Variants in KIAA1958 observed in about 807,000 individuals in gnomAD.
KIAA1958 encodes the protein uncharacterized protein KIAA1958.
KIAA1958 carries 14 observed loss-of-function variants against 47.2 expected under a neutral mutation model. That is an observed-to-expected ratio of 0.30 (90% CI 0.20 to 0.46). The LOEUF (loss-of-function observed/expected upper bound fraction) is 0.46, where lower values mean the gene tolerates loss of function less well. KIAA1958 is among the 20% of genes least tolerant of loss of function. The probability of loss-of-function intolerance (pLI) is 1.00; values close to 1 mark genes in which losing one functional copy is unlikely to be tolerated. For synonymous variants in KIAA1958, 354 were observed against 353.3 expected (o/e 1.00, Z -0.02); for missense variants, 803 against 909.2 (o/e 0.88, Z 1.50).
At chr9:112,643,085 T>C (rs1347886088) in intron 2 of KIAA1958, among the ~76,000 whole-genome samples, 3 of 152,254 alleles carry the variant, frequency 2.0e-5, no homozygotes, top group East Asian at 3.8e-4. Context: ...GTTATTCTTA[T>C]TGAAGGTTCA....
At chr9:112,563,278 C>T (rs1258409385) in intron 1 of KIAA1958, among the ~76,000 whole-genome samples, 6 of 152,042 alleles carry the variant, frequency 3.9e-5, no homozygotes, top group Middle Eastern at 3.4e-3. Flanking sequence ...GCAAGACCTT[C>T]GTGATTGGAA....
chr9:112,501,918 T>A (rs887707898), intron 1 of KIAA1958, among the ~76,000 whole-genome samples: 2 of 152,126 alleles, frequency 1.3e-5, no homozygotes, highest in Non-Finnish European at 2.9e-5. Context: ...TTTTCACAAT[T>A]TACAAAAAAA....
At chr9:112,526,696 G>A (rs1000378822) in intron 1 of KIAA1958, among the ~76,000 whole-genome samples, 1 of 152,170 alleles carries the variant, frequency 6.6e-6, no homozygotes, top group Non-Finnish European at 1.5e-5. Flanking sequence ...GCAAGATGGG[G>A]ATAAACATGA....
intron 2 of KIAA1958, among the ~76,000 whole-genome samples, chr9:112,632,351 C>T (rs1384290086): frequency 6.6e-6 from 1 of 150,974 alleles, no homozygotes; most frequent in Non-Finnish European, 1.5e-5. Flanking sequence ...TATATATATG[C>T]ACAATTATTT....
intron 2 of KIAA1958, among the ~76,000 whole-genome samples, chr9:112,633,947 A>T (rs1201431038): frequency 1.3e-5 from 2 of 152,158 alleles, no homozygotes; most frequent in Admixed American, 6.5e-5. Context: ...ATGAATATTC[A>T]TACATTCATG....
At chr9:112,568,927 T>A (rs373886871) in intron 1 of KIAA1958, among the ~76,000 whole-genome samples, 8 of 9,138 alleles carry the variant, frequency 8.8e-4, no homozygotes, top group South Asian at 6.6e-3. Flanking sequence ...AATTTAAGAA[T>A]AGGAAAACTA....
chr9:112,553,856 C>T (rs1372927576), intron 1 of KIAA1958, among the ~76,000 whole-genome samples: 1 of 152,016 alleles, frequency 6.6e-6, no homozygotes, highest in South Asian at 2.1e-4. Flanking sequence ...ATTTTTTGTG[C>T]ACATTGTTCA....
intron 2 of KIAA1958, among the ~76,000 whole-genome samples, chr9:112,629,499 A>G (rs955665584): frequency 2.0e-5 from 3 of 152,210 alleles, no homozygotes; most frequent in Admixed American, 6.5e-5. Context: ...ACTGTGTCAA[A>G]TATGTGACTG....
rs1237410236 is a variant in KIAA1958 at position 112,551,219 on chromosome 9, T to C, written c.-24-22838T>C. On this transcript the variant is annotated intron_variant, in intron 1 of 3. Transcript: ENST00000337530. ...TCACTGTCATCCATCTCCAGAACTT[T>C]TTCATCATCCCCAAACTGAAAATTT... Among the ~76,000 whole-genome samples, 4 of 152,292 alleles carry C rather than the reference T, an allele frequency of 2.6e-5. No homozygotes were observed. In the East Asian group the frequency reaches 7.7e-4, roughly 29 times the overall value.
intron 1 of KIAA1958, among the ~76,000 whole-genome samples, chr9:112,560,979 C>T (rs544407889): frequency 6.6e-6 from 1 of 152,168 alleles, no homozygotes; most frequent in East Asian, 1.9e-4. Flanking sequence ...ACCACTTTCT[C>T]AGAGAAGCTT....
chr9:112,490,977 T>C (rs1833958768), intron 1 of KIAA1958, among the ~76,000 whole-genome samples: 1 of 152,224 alleles, frequency 6.6e-6, no homozygotes, highest in Non-Finnish European at 1.5e-5. Context: ...TATAACATTA[T>C]GTTTTTTAGA....
chr9:112,618,016 G>C lies in KIAA1958; in HGVS notation c.1172-27634G>C, dbSNP rs541845355. The C allele has an allele frequency of 2.9e-5, 45 of 1,550,566 alleles. 1 individual carries two copies. The South Asian group carries it at 5.4e-4, about 18-fold the overall frequency. On this transcript the variant is annotated intron_variant, in intron 2 of 3. Transcript: ENST00000337530. This position sits in a 1 kb window ranked among gnomAD's most constrained non-coding sequence, Gnocchi z 7.1. ...GAGAGATTTATGTCATCCCTTGCAA[G>C]GAGTTGGATGCCTACCTTGCCTCTT...
At chr9:112,492,056 G>C (rs1332594109) in intron 1 of KIAA1958, among the ~76,000 whole-genome samples, 2 of 152,108 alleles carry the variant, frequency 1.3e-5, no homozygotes, top group Non-Finnish European at 2.9e-5. Flanking sequence ...ATATTTCTGG[G>C]ACGGAGTTGA....
At chr9:112,511,905 G>A (rs900148022) in intron 1 of KIAA1958, among the ~76,000 whole-genome samples, 1 of 152,108 alleles carries the variant, frequency 6.6e-6, no homozygotes, top group Non-Finnish European at 1.5e-5. Flanking sequence ...ACCTTATGCA[G>A]GTAAATTTGA....
At chr9:112,658,327 A>G (rs1837188775) in intron 3 of KIAA1958, among the ~76,000 whole-genome samples, 1 of 152,222 alleles carries the variant, frequency 6.6e-6, no homozygotes, top group African/African-American at 2.4e-5. Flanking sequence ...TCTAGTAACC[A>G]AATGTTCTGT....
At chr9:112,591,787 G>A (rs1408518384) in intron 2 of KIAA1958, among the ~76,000 whole-genome samples, 2 of 152,126 alleles carry the variant, frequency 1.3e-5, no homozygotes, top group African/African-American at 4.8e-5. Flanking sequence ...TAGCTTCTTT[G>A]GAGGCTGAGG....
At chr9:112,569,706 C>T (rs1434748074) in intron 1 of KIAA1958, among the ~76,000 whole-genome samples, 4 of 151,882 alleles carry the variant, frequency 2.6e-5, no homozygotes, top group South Asian at 2.1e-4. Context: ...CTGCAACCTC[C>T]GCCTCCCGGG....
At chr9:112,510,004 G>C (rs951052942) in intron 1 of KIAA1958, among the ~76,000 whole-genome samples, 1 of 152,154 alleles carries the variant, frequency 6.6e-6, no homozygotes, top group Non-Finnish European at 1.5e-5. Flanking sequence ...TTACCTTTGT[G>C]GGCAGCTTAA....
chr9:112,539,721 C>T (rs776835197), intron 1 of KIAA1958, among the ~76,000 whole-genome samples: 5 of 152,008 alleles, frequency 3.3e-5, no homozygotes, highest in Non-Finnish European at 7.4e-5. Context: ...CATGGAGTCT[C>T]CCTCTGTCAC....
Sources: allele counts gnomAD v4.1 joint callset (sites outside exome capture counted in the v4.1 genomes callset), GRCh38; gene constraint gnomAD v4.1.1; non-coding constraint Gnocchi (gnomAD v3.1); transcripts MANE v1.5; gene names NCBI Gene and HGNC (gene_info 2026-07-23, HGNC 2026-07-21).